The following CNTNAP5 variants were observed in gnomAD, a reference collection of about 807,000 sequenced individuals.
CNTNAP5 encodes the protein contactin associated protein family member 5.
CNTNAP5 carries 72 observed loss-of-function variants against 150.2 expected under a neutral mutation model. That is an observed-to-expected ratio of 0.48 (90% confidence interval 0.40 to 0.58). The LOEUF (loss-of-function observed/expected upper bound fraction) is 0.58. Among genes scored for constraint, CNTNAP5 ranks in the 20% least tolerant of loss-of-function variants. The pLI is 0.00. For synonymous variants in CNTNAP5, 672 were observed against 619.8 expected (o/e 1.08, Z -1.25); for missense variants, 1,636 against 1,626.2 (o/e 1.01, Z -0.10).
intron 6 of CNTNAP5, among the ~76,000 whole-genome samples, chr2:124,466,576 C>A (rs1376767275): frequency 6.6e-6 from 1 of 152,120 alleles, no homozygotes; most frequent in Admixed American, 6.6e-5. Flanking sequence ...TTGTACCAAA[C>A]AATTGGAATT....
intron 13 of CNTNAP5, among the ~76,000 whole-genome samples, chr2:124,718,922 G>A (rs1310441273): frequency 1.3e-5 from 2 of 150,416 alleles, no homozygotes; most frequent in Non-Finnish European, 2.9e-5. Flanking sequence ...TCCAGCCTGG[G>A]CAACAGAGCA....
chr2:124,149,262 T>C (rs1684341155), intron 1 of CNTNAP5, among the ~76,000 whole-genome samples: 1 of 151,974 alleles, frequency 6.6e-6, no homozygotes, highest in East Asian at 1.9e-4. Context: ...ATATTTAATT[T>C]TGATAAATGA....
chr2:124,745,166 G>A (rs1313170568), intron 13 of CNTNAP5, among the ~76,000 whole-genome samples: 1 of 152,160 alleles, frequency 6.6e-6, no homozygotes, highest in Non-Finnish European at 1.5e-5. Flanking sequence ...TCTACTAGAA[G>A]CAACACATCC....
At chr2:124,321,668 G>A (rs1355018836) in intron 3 of CNTNAP5, among the ~76,000 whole-genome samples, 4 of 152,108 alleles carry the variant, frequency 2.6e-5, no homozygotes, top group East Asian at 1.9e-4. Flanking sequence ...TCTAGAAAAT[G>A]TATTTTTCAA....
chr2:124,823,614 C>T (rs184310629), intron 19 of CNTNAP5, among the ~76,000 whole-genome samples: 3 of 152,224 alleles, frequency 2.0e-5, no homozygotes, highest in Admixed American at 6.5e-5. Context: ...TTCTTTGGTG[C>T]CCTTATCACA....
At chr2:124,901,431 G>T (rs1008331343) in intron 21 of CNTNAP5, among the ~76,000 whole-genome samples, 2 of 147,596 alleles carry the variant, frequency 1.4e-5, no homozygotes, top group South Asian at 4.1e-4. Flanking sequence ...ATTATAGGTT[G>T]AAGTAAGTAT....
intron 21 of CNTNAP5, among the ~76,000 whole-genome samples, chr2:124,900,835 C>A (rs1219419054): frequency 6.6e-6 from 1 of 151,600 alleles, no homozygotes; most frequent in Non-Finnish European, 1.5e-5. Context: ...TCTGCCTCTT[C>A]CTCTAAATAT....
chr2:124,362,515 T>G (rs1690241405), intron 3 of CNTNAP5, among the ~76,000 whole-genome samples: 1 of 152,236 alleles, frequency 6.6e-6, no homozygotes, highest in African/African-American at 2.4e-5. Context: ...GACTCCTACC[T>G]TTATTTTTTA....
intron 1 of CNTNAP5, among the ~76,000 whole-genome samples, chr2:124,113,858 C>T (rs1683362009): frequency 6.6e-6 from 1 of 151,826 alleles, no homozygotes; most frequent in African/African-American, 2.4e-5. Flanking sequence ...TTGTCCACAT[C>T]ATTGAAAAGA....
chr2:124,891,695 T>C (rs534793406), intron 21 of CNTNAP5, among the ~76,000 whole-genome samples: 1 of 152,262 alleles, frequency 6.6e-6, no homozygotes, highest in East Asian at 1.9e-4. Context: ...AGTTTATTTG[T>C]TAGAAGAGAG....
intron 1 of CNTNAP5, among the ~76,000 whole-genome samples, chr2:124,122,784 A>ACACACC (rs1683596017): frequency 6.6e-6 from 1 of 151,082 alleles, no homozygotes; most frequent in South Asian, 2.1e-4. Flanking sequence ...ACACACACAC[A>ACACACC]CACACACACC....
At chr2:124,736,238 G>GAAACA (rs929657584) in intron 13 of CNTNAP5, among the ~76,000 whole-genome samples, 7 of 151,940 alleles carry the variant, frequency 4.6e-5, no homozygotes, top group African/African-American at 1.7e-4. Context: ...TAAACAAAAG[G>GAAACA]AAACAAAACA....
chr2:124,333,167 C>T (rs552893785), intron 3 of CNTNAP5, among the ~76,000 whole-genome samples: 1 of 152,150 alleles, frequency 6.6e-6, no homozygotes, highest in African/African-American at 2.4e-5. Context: ...CTTTGGGAGG[C>T]TGAGGTGGGA....
Position 124,746,104 on chromosome 2 carries a change from C to T in CNTNAP5, c.2078-1125C>T, listed in dbSNP as rs75587471. Among the ~76,000 whole-genome samples, 190 of 152,216 alleles carry T rather than the reference C, an allele frequency of 1.2e-3. 2 individuals are homozygous for T. The East Asian group carries it at 0.033, about 26-fold the overall frequency. On this transcript the variant is annotated intron_variant, in intron 13 of 23. Coordinates refer to ENST00000682447, the MANE Select transcript of CNTNAP5 (RefSeq NM_001367498.1). ...TAAAATTGCAAATGATATAAAGTGGCCCTTAATAAATATTTCTTTCATTTT... is the reference window on the plus strand; with the variant it reads ...TAAAATTGCAAATGATATAAAGTGGTCCTTAATAAATATTTCTTTCATTTT...
chr2:124,876,201 T>C (rs1225903080), intron 21 of CNTNAP5, among the ~76,000 whole-genome samples: 1 of 152,044 alleles, frequency 6.6e-6, no homozygotes, highest in African/African-American at 2.4e-5. Flanking sequence ...AGTCATGGGA[T>C]TGAGTTTTCA....
At chr2:124,448,110 C>T (rs1451452516) in intron 6 of CNTNAP5, among the ~76,000 whole-genome samples, 1 of 151,626 alleles carries the variant, frequency 6.6e-6, no homozygotes, top group Admixed American at 6.6e-5. Context: ...CTACTAAAAA[C>T]ACAAAAAACT....
chr2:124,678,507 C>A (rs1301632433), intron 13 of CNTNAP5, among the ~76,000 whole-genome samples: 1 of 151,420 alleles, frequency 6.6e-6, no homozygotes, highest in South Asian at 2.1e-4. Context: ...GTCTGCCTGC[C>A]TGCTCTAAAA....
intron 16 of CNTNAP5, among the ~76,000 whole-genome samples, chr2:124,764,625 T>C (rs577699480): frequency 1.3e-5 from 2 of 152,198 alleles, no homozygotes; most frequent in South Asian, 4.1e-4. Flanking sequence ...CACTTCCCCA[T>C]GGACAGTGGC....
chr2:124,504,308 C>T lies in CNTNAP5; in HGVS notation c.1079C>T (p.Ser360Phe), dbSNP rs765130255. 9.9e-6 allele frequency: 16 copies of T among 1,611,838 alleles called. No individual in the cohort carries two copies. The Admixed American group carries it at 2.2e-4, about 22-fold the overall frequency. Residue 360 changes from serine to phenylalanine, a missense_variant, in exon 8 of 24, where the codon TCC becomes TTC. By Grantham distance (155) the Ser-to-Phe change is radical. Transcript: ENST00000682447. ...GTTTTCCAGGGCAATGTCACTTTTT[C>T]CTGCTCCGAACCACAGATTGTGCCC... is the stretch of plus-strand genomic sequence containing the variant. Reference protein sequence around the residue: ...QIYTVGNVTFSCSEPQIVPIT... With the variant: ...QIYTVGNVTFFCSEPQIVPIT...
Sources: allele counts gnomAD v4.1 joint callset (sites outside exome capture counted in the v4.1 genomes callset), GRCh38; gene constraint gnomAD v4.1.1; transcripts MANE v1.5; gene names NCBI Gene and HGNC (gene_info 2026-07-23, HGNC 2026-07-21).